The following ANKRD66 variants were observed in gnomAD, a reference collection of about 807,000 sequenced individuals.
ANKRD66 encodes the protein ankyrin repeat domain-containing protein 66.
A neutral mutation model predicts 10.9 loss-of-function variants in ANKRD66; 10 were observed. The observed-to-expected ratio is 0.91, with a 90% CI of 0.56 to 1.55. The LOEUF is 1.55. Ranked by LOEUF, ANKRD66 falls within the 40% of genes most tolerant of loss-of-function variation. The probability of loss-of-function intolerance (pLI) is 0.00; values close to 1 mark genes in which losing one functional copy is unlikely to be tolerated. For synonymous variants in ANKRD66, 85 were observed against 88.4 expected (o/e 0.96, Z 0.22); for missense variants, 252 against 242.9 (o/e 1.04, Z -0.25).
chr6:46,756,208 C>G (rs2150728317), intron 4 of ANKRD66: 1 of 308,988 alleles, frequency 3.2e-6, no homozygotes, highest in South Asian at 2.7e-5. Context: ...TGTCCTTCCT[C>G]TGACTTGTTA....
intron 3 of ANKRD66, 70 bp from the exon 4 acceptor site, chr6:46,753,651 TG>T: frequency 7.1e-7 from 1 of 1,406,710 alleles, no homozygotes; most frequent in African/African-American, 1.4e-5. Flanking sequence ...TTACCTAGAC[TG>T]GCCCTGGCCT....
rs1766432962 is a variant in ANKRD66 at position 46,758,978 on chromosome 6, G to A, written c.*57G>A. On this transcript the variant is annotated 3_prime_UTR_variant, in exon 5 of 5. Transcript: ENST00000565422. ...TTTCCCTGGTGCCAGAAATGAGGCT[G>A]TTAGGCATGGTGGCCTTTCCATGAC... The A allele has an allele frequency of 1.1e-5, 16 of 1,468,358 alleles. No homozygotes were observed. The highest frequency in any genetic ancestry group is 1.5e-5 in the Non-Finnish European group (16 of 1,096,748). 91.0% of individuals were successfully genotyped at this position (1,468,358 alleles called of 1,614,324 possible).
In ANKRD66 at chr6:46,758,922, G is replaced by T. The variant is rs962516638; in HGVS notation, c.*1G>T. The T allele has an allele frequency of 4.5e-6, 7 of 1,540,970 alleles. No homozygotes were observed. Among genetic ancestry groups the T allele is most frequent in the Non-Finnish European group, 6.1e-6 (7 of 1,142,680 alleles). The stretch of plus-strand genomic sequence containing the variant: ...CAATACCAAGGGGAGGAGAGTATGA[G>T]AACTCAACCTTATGTTTTCTGGCAA... On this transcript the variant is annotated 3_prime_UTR_variant, in exon 5 of 5. Coordinates refer to ENST00000565422, the MANE Select transcript of ANKRD66 (RefSeq NM_001162435.3).
At chr6:46,749,561 C>CCCT (rs1766221961) in intron 1 of ANKRD66, among the ~76,000 whole-genome samples, 1 of 93,800 alleles carries the variant, frequency 1.1e-5, no homozygotes, top group African/African-American at 4.1e-5. Context: ...CCCCCCCCCC[C>CCCT]CCCCCCGCTT....
intron 4 of ANKRD66, chr6:46,757,261 A>AAAACTG (rs1766403568): frequency 6.6e-6 from 1 of 152,176 alleles, no homozygotes; most frequent in Admixed American, 6.5e-5. Context: ...AGGAGGGAGA[A>AAAACTG]AAACTGTTGA....
At chr6:46,748,272 G>A (rs970364405) in intron 1 of ANKRD66, among the ~76,000 whole-genome samples, 3 of 152,070 alleles carry the variant, frequency 2.0e-5, no homozygotes, top group South Asian at 2.1e-4. Flanking sequence ...TTTTAGAATC[G>A]GCTTTTCCAT....
At chr6:46,751,622 G>A (rs1250286791) in intron 2 of ANKRD66, among the ~76,000 whole-genome samples, 2 of 151,844 alleles carry the variant, frequency 1.3e-5, no homozygotes, top group African/African-American at 2.4e-5. Flanking sequence ...ACTTACTAAC[G>A]TAAGGGAACA....
Position 46,758,953 on chromosome 6 carries a change from T to C in ANKRD66, c.*32T>C, listed in dbSNP as rs566292161. On this transcript the variant is annotated 3_prime_UTR_variant, in exon 5 of 5. Coordinates refer to ENST00000565422, the MANE Select transcript of ANKRD66 (RefSeq NM_001162435.3). ...AACCTTATGTTTTCTGGCAAGGAAC[T>C]TTCCCTGGTGCCAGAAATGAGGCTG... The C allele has an allele frequency of 1.3e-6, 2 of 1,510,548 alleles. No homozygotes were observed. The highest frequency in any genetic ancestry group is 1.4e-5 in the African/African-American group (1 of 71,330). 93.6% of individuals were successfully genotyped at this position (1,510,548 alleles called of 1,614,324 possible). A position where few individuals can be genotyped will look rare whatever the true frequency, so the allele number is the denominator to read the frequency against.
At chr6:46,753,674 G>A in intron 3 of ANKRD66, 48 bp from the exon 4 acceptor site, 1 of 1,481,532 alleles carries the variant, frequency 6.7e-7, no homozygotes, top group Non-Finnish European at 9.0e-7. Flanking sequence ...AAGCCACTTG[G>A]GACATCTTTA....
chr6:46,757,278 G>A (rs1265331602), intron 4 of ANKRD66: 1 of 152,162 alleles, frequency 6.6e-6, no homozygotes, highest in Non-Finnish European at 1.5e-5. Flanking sequence ...TTGATTTAGA[G>A]TGAAGGCACC....
At chr6:46,750,059 GAAGTTGACTC>G in intron 2 of ANKRD66, 80 bp downstream of exon 2, 1 of 748,274 alleles carries the variant, frequency 1.3e-6, no homozygotes, top group Non-Finnish European at 2.3e-6. Flanking sequence ...CACAGTTAGT[GAAGTTGACTC>G]CAGCTCCTTC....
chr6:46,747,609 A>G lies in ANKRD66; in HGVS notation c.-97+619A>G, dbSNP rs558716444. On this transcript the variant is annotated intron_variant, in intron 1 of 4. Coordinates refer to ENST00000565422, the MANE Select transcript of ANKRD66 (RefSeq NM_001162435.3). The stretch of plus-strand genomic sequence containing the variant: ...ACTTAGCATGTTTCAAGGTTCATCC[A>G]TAAAGTATGTATCAGTACTTCATTC... Among the ~76,000 whole-genome samples, 195 of 152,352 alleles carry G rather than the reference A, an allele frequency of 1.3e-3. 4 individuals carry two copies. The highest frequency in any genetic ancestry group is 4.0e-3 in the African/African-American group (168 of 41,578).
intron 4 of ANKRD66, 112 bp downstream of exon 4, chr6:46,754,062 A>G: frequency 1.1e-6 from 1 of 898,202 alleles, no homozygotes; most frequent in Non-Finnish European, 1.6e-6. Context: ...GAGGAAATCC[A>G]GCCAATGGAC....
At chr6:46,754,501 G>T (rs2150727762) in intron 4 of ANKRD66, among the ~76,000 whole-genome samples, 1 of 152,234 alleles carries the variant, frequency 6.6e-6, no homozygotes, top group Admixed American at 6.5e-5. Context: ...CCAATAATTT[G>T]CATAACAGTT....
At chr6:46,754,232 G>A (rs1742131527) in intron 4 of ANKRD66, among the ~76,000 whole-genome samples, 1 of 152,180 alleles carries the variant, frequency 6.6e-6, no homozygotes, top group African/African-American at 2.4e-5. Context: ...GGGACATGGT[G>A]CAAGAATCAT....
At chr6:46,757,880 A>C (rs1450892017) in intron 4 of ANKRD66, 1 of 152,276 alleles carries the variant, frequency 6.6e-6, no homozygotes, top group African/African-American at 2.4e-5. Context: ...GGGAGACGAA[A>C]TAACTTGTTT....
At chr6:46,757,864 C>T (rs1051536816) in intron 4 of ANKRD66, 3 of 152,198 alleles carry the variant, frequency 2.0e-5, no homozygotes, top group African/African-American at 7.2e-5. Flanking sequence ...AGAAGGTTAA[C>T]TGTGTGGGAG....
chr6:46,751,857 A>G lies in ANKRD66; in HGVS notation c.-12-80A>G, dbSNP rs140239042. 19 of 1,308,572 alleles carry G rather than the reference A, an allele frequency of 1.5e-5. No individual in the cohort carries two copies. The East Asian group carries it at 5.6e-4, about 38-fold the overall frequency. 81.1% of individuals were successfully genotyped at this position (1,308,572 alleles called of 1,614,324 possible). ...ATGCATGCGGCAGGAAAGGAAATAA[A>G]TGATACAGAAGTCTATGGGATTACT... On this transcript the variant is annotated intron_variant, in intron 2 of 4. Transcript: ENST00000565422.
chr6:46,758,470 GC>G lies in ANKRD66; in HGVS notation c.393-252del, dbSNP rs573688527. 3.8e-3 allele frequency: 1,392 copies of G among 367,432 alleles called. 4 individuals carry two copies. The highest frequency in any genetic ancestry group is 3.9e-3 in the Non-Finnish European group (809 of 206,738). The allele number at this position is 367,432 out of a possible 1,614,324, so 22.8% of individuals were successfully genotyped here. On this transcript the variant is annotated intron_variant, in intron 4 of 4. Transcript: ENST00000565422. ...AATGTGAGCACTTCAAGAATCAGGA[GC>G]ATTTTCTTCAAGCTGAGTGACTATC...
Sources: gnomAD v4.1 joint callset for allele counts (sites outside exome capture counted in the v4.1 genomes callset) on GRCh38, gnomAD v4.1.1 for gene constraint, MANE v1.5 for transcripts, NCBI Gene and HGNC (gene_info 2026-07-23, HGNC 2026-07-21) for gene names.